GRM4: variants seen among roughly 807,000 people sequenced by gnomAD.
GRM4 encodes the protein glutamate metabotropic receptor 4.
A neutral mutation model predicts 81.7 loss-of-function variants in GRM4; 28 were observed. The ratio of observed to expected loss-of-function variants is 0.34; its 90% CI spans 0.25 to 0.47. The LOEUF is 0.47. Among genes scored for constraint, GRM4 ranks in the 20% least tolerant of loss-of-function variants. GRM4 has a pLI of 1.00. For missense variants in GRM4, 948 were observed against 1,290.0 expected (o/e 0.73, Z 4.06); for synonymous variants, 488 against 528.8 (o/e 0.92, Z 1.06).
Position 34,039,814 on chromosome 6 carries a change from C to A in GRM4, c.1506+364G>T, listed in dbSNP as rs546218603. Among the ~76,000 whole-genome samples the A allele has an allele frequency of 1.7e-3, 235 of 140,516 alleles. 1 individual carries two copies. The highest frequency in any genetic ancestry group is 5.5e-3 in the African/African-American group (209 of 38,114). 92.2% of individuals were successfully genotyped at this position (140,516 alleles called of 152,430 possible). A position where few individuals can be genotyped will look rare whatever the true frequency, so the allele number is the denominator to read the frequency against. The stretch of plus-strand genomic sequence containing the variant: ...CCCCTCCTCACCTTATTCCCCCATG[C>A]CCCCCCCATCACCCCCCACTTGCCC... On this transcript the variant is annotated intron_variant, in intron 8 of 10. Coordinates refer to ENST00000538487, the MANE Select transcript of GRM4 (RefSeq NM_000841.4).
At chr6:34,149,099 G>C (rs998108896), upstream of GRM4, among the ~76,000 whole-genome samples, 1 of 152,122 alleles carries the variant, frequency 6.6e-6, no homozygotes, top group African/African-American at 2.4e-5. Flanking sequence ...GTTTCTTCCT[G>C]CTCTTTTTCT....
intron 10 of GRM4, among the ~76,000 whole-genome samples, chr6:34,027,289 G>A (rs1459723415): frequency 1.3e-5 from 2 of 152,246 alleles, no homozygotes; most frequent in South Asian, 2.1e-4. Context: ...CTGGATCTCC[G>A]AGGAAGAGGG....
In GRM4 at chr6:34,024,025, G is replaced by A. The variant is rs147690744; in HGVS notation, c.2690-1155C>T. ...TTGTCTAAAAGCTGCCCTGACCCTC[G>A]GTCAGGATCTGTTGGCTCAAAAAGG... On this transcript the variant is annotated intron_variant, in intron 10 of 10. Coordinates refer to ENST00000538487, the MANE Select transcript of GRM4 (RefSeq NM_000841.4). Among the ~76,000 whole-genome samples, 187 of 152,268 alleles carry A rather than the reference G, an allele frequency of 1.2e-3. 1 individual carries two copies. The highest frequency in any genetic ancestry group is 4.3e-3 in the African/African-American group (180 of 41,550).
rs148995261 is a variant in GRM4, at chr6:34,061,803, G to A, written c.872+90C>T. 14,271 of 1,401,408 alleles carry A rather than the reference G, an allele frequency of 0.01. 99 individuals are homozygous for A. Among genetic ancestry groups the A allele is most frequent in the Non-Finnish European group, 0.012 (12,293 of 1,012,688 alleles). 86.8% of individuals were successfully genotyped at this position (1,401,408 alleles called of 1,614,324 possible). A position where few individuals can be genotyped will look rare whatever the true frequency, so the allele number is the denominator to read the frequency against. ...TGGATCCCAGGGTGGGGTCAGGCTCGCCTGGGAAGGTCTCCAGCAGGACAG... is the reference window on the plus strand; with the variant it reads ...TGGATCCCAGGGTGGGGTCAGGCTCACCTGGGAAGGTCTCCAGCAGGACAG... On this transcript the variant is annotated intron_variant, in intron 4 of 10. Coordinates refer to ENST00000538487, the MANE Select transcript of GRM4 (RefSeq NM_000841.4).
chr6:34,094,113 G>A (rs558568650), intron 2 of GRM4, among the ~76,000 whole-genome samples: 126 of 152,326 alleles, frequency 8.3e-4, no homozygotes, highest in African/African-American at 3.0e-3. Context: ...GGGTCTCCAA[G>A]ATATTCTGGG....
chr6:34,110,309 CAAAAA>C (rs3041237), intron 2 of GRM4, among the ~76,000 whole-genome samples: 2 of 79,026 alleles, frequency 2.5e-5, no homozygotes, highest in Non-Finnish European at 2.3e-5. Flanking sequence ...CAACACCCAC[CAAAAA>C]AAAAAAAAAA....
At chr6:34,024,713 C>A in intron 10 of GRM4, 1 of 455,806 alleles carries the variant, frequency 2.2e-6, no homozygotes, top group Non-Finnish European at 4.4e-6. Flanking sequence ...CTATGAGCTC[C>A]CTGTCAACAG....
At position 34,028,161 on chromosome 6, in the gene GRM4, CCGTTGGGCCGGAAGTTGCCCTTCTG is replaced by C; in HGVS notation, c.2623_2647del (p.Gln875GlufsTer74). ...CTCGCAGAGCTCAGACTTGGCCTCT[CCGTTGGGCCGGAAGTTGCCCTTCTG>C]CGTGAACTTGTTGGACATGGTGGCC... is the stretch of plus-strand genomic sequence containing the variant. On this transcript the variant is annotated frameshift_variant, in exon 10 of 11. Transcript: ENST00000538487. LOFTEE classifies it high-confidence loss of function. 6.2e-7 allele frequency: 1 copy of C among 1,613,972 alleles called. No individual in the cohort carries two copies. The highest frequency in any genetic ancestry group is 8.5e-7 in the Non-Finnish European group (1 of 1,179,966).
rs912076685 is a variant in GRM4 at position 34,074,713 on chromosome 6, A to G, written c.737-12685T>C. Among the ~76,000 whole-genome samples the G allele has an allele frequency of 1.4e-4, 21 of 152,240 alleles. No homozygotes were observed. Among genetic ancestry groups the G allele is most frequent in the Admixed American group, 2.6e-4 (4 of 15,290 alleles). On this transcript the variant is annotated intron_variant, in intron 3 of 10. Transcript: ENST00000538487. The surrounding 1 kb of genome is among the most constrained non-coding windows in gnomAD (Gnocchi z 4.9). ...GCTGAGTGATCGACTTAATATCTCAACACAAACCCACTTAGGCAAAACACC... is the reference window on the plus strand; with the variant it reads ...GCTGAGTGATCGACTTAATATCTCAGCACAAACCCACTTAGGCAAAACACC...
exon 1 of GRM4, chr6:34,155,436 G>A (rs1051222884): frequency 2.8e-5 from 37 of 1,336,742 alleles, no homozygotes; most frequent in African/African-American, 4.4e-5. Context: ...GTGACAGGCC[G>A]GCGGTTCGCA....
rs1039163028 is a variant in GRM4 at position 34,047,692 on chromosome 6, A to G, written c.1169-6944T>C. Among the ~76,000 whole-genome samples the G allele has an allele frequency of 1.3e-5, 2 of 152,102 alleles. No individual in the cohort carries two copies. Among genetic ancestry groups the G allele is most frequent in the African/African-American group, 4.8e-5 (2 of 41,410 alleles). On this transcript the variant is annotated intron_variant, in intron 6 of 10. Coordinates refer to ENST00000538487, the MANE Select transcript of GRM4 (RefSeq NM_000841.4). This position sits in a 1 kb window ranked among gnomAD's most constrained non-coding sequence, Gnocchi z 4.5. ...CCTTGGCCCAACACCAACTCCTTCC[A>G]GTCCCAGTGAATGATGCATCCAGGT...
At chr6:34,135,045 T>G (rs1581732446) in intron 1 of GRM4, among the ~76,000 whole-genome samples, 1 of 151,508 alleles carries the variant, frequency 6.6e-6, no homozygotes, top group African/African-American at 2.4e-5. Context: ...TCCCCAGGGG[T>G]TTGTCAAATG....
At chr6:34,142,762 C>T (rs942649874) in intron 1 of GRM4, among the ~76,000 whole-genome samples, 66 of 152,226 alleles carry the variant, frequency 4.3e-4, no homozygotes, top group African/African-American at 1.5e-3. Context: ...CGCTCCCTCT[C>T]AGAGAAGTCA....
chr6:34,108,608 C>T (rs1769233283), intron 2 of GRM4, among the ~76,000 whole-genome samples: 1 of 152,174 alleles, frequency 6.6e-6, no homozygotes, highest in African/African-American at 2.4e-5. Context: ...ATCCAGCCTC[C>T]CAGTTTCTCC....
Position 34,133,390 on chromosome 6 carries a change from C to G in GRM4, c.107G>C (p.Gly36Ala). 5.0e-6 allele frequency: 8 copies of G among 1,613,744 alleles called. No individual in the cohort carries two copies. Among genetic ancestry groups the G allele is most frequent in the Non-Finnish European group, 6.8e-6 (8 of 1,179,908 alleles). ...GCGGATGGAATTCATGTGAGGGTGG[C>G]CTTTGGGCTTTCCCAGGGAGGAAGG... ...WMPSSLGKPK[G>A]HPHMNSIRID... The change falls in exon 2 of 11, where the codon GGC (glycine) becomes GCC (alanine). Residue 36 changes from glycine (G) to alanine (A), a missense_variant. Coordinates refer to ENST00000538487, the MANE Select transcript of GRM4 (RefSeq NM_000841.4). The surrounding 1 kb of genome is among the most constrained non-coding windows in gnomAD (Gnocchi z 6.5).
rs528282771 is a variant in GRM4, at chr6:34,099,232, C to T, written c.520-7133G>A. Among the ~76,000 whole-genome samples, 17 of 152,298 alleles carry T rather than the reference C, an allele frequency of 1.1e-4. No individual in the cohort carries two copies. In the East Asian group the frequency reaches 2.9e-3, roughly 26 times the overall value. Reference sequence around the variant, plus strand: ...GCTTCCCAGGCCCCGCCAAGGAGAGCGGGACTTTCCTGGGAGCCAGGGGAG... The same window carrying T: ...GCTTCCCAGGCCCCGCCAAGGAGAGTGGGACTTTCCTGGGAGCCAGGGGAG... On this transcript the variant is annotated intron_variant, in intron 2 of 10. Coordinates refer to ENST00000538487, the MANE Select transcript of GRM4 (RefSeq NM_000841.4).
chr6:34,137,487 G>T (rs1163813314), intron 1 of GRM4, among the ~76,000 whole-genome samples: 2 of 152,240 alleles, frequency 1.3e-5, no homozygotes, highest in Non-Finnish European at 2.9e-5. Context: ...AAGGGGGATG[G>T]GGGAGTCCCC....
chr6:34,125,106 T>TG (rs1388624864), intron 2 of GRM4, among the ~76,000 whole-genome samples: 5 of 152,188 alleles, frequency 3.3e-5, no homozygotes. Flanking sequence ...CCTGAGTAGT[T>TG]GGGACTACAG....
chr6:34,075,795 G>C (rs138800263), intron 3 of GRM4, among the ~76,000 whole-genome samples: 367 of 152,308 alleles, frequency 2.4e-3, no homozygotes, highest in African/African-American at 8.4e-3. Context: ...TCTTATTGTT[G>C]GTTTCCTCCA....
Sources: gnomAD v4.1 joint callset for allele counts (sites outside exome capture counted in the v4.1 genomes callset) on GRCh38, gnomAD v4.1.1 for gene constraint, Gnocchi (gnomAD v3.1) non-coding constraint, MANE v1.5 for transcripts, NCBI Gene and HGNC (gene_info 2026-07-23, HGNC 2026-07-21) for gene names.